Variants in CELF2 observed in about 807,000 individuals in gnomAD.
The protein encoded by CELF2 is CUGBP Elav-like family member 2.
Under a neutral mutation model 62.6 loss-of-function variants are expected in CELF2, and 8 were observed. The ratio of observed to expected loss-of-function variants is 0.13; its 90% CI spans 0.07 to 0.23. The LOEUF (loss-of-function observed/expected upper bound fraction) is 0.23. Ranked by LOEUF, CELF2 falls within the 10% of genes least tolerant of loss-of-function variation. The probability of loss-of-function intolerance (pLI) is 1.00; values close to 1 mark genes in which losing one functional copy is unlikely to be tolerated. For missense variants in CELF2, 333 were observed against 671.0 expected (o/e 0.50, Z 5.56); for synonymous variants, 258 against 250.0 (o/e 1.03, Z -0.30).
the CELF2 span, among the ~76,000 whole-genome samples, chr10:10,601,104 C>T: frequency 2.0e-5 from 3 of 152,230 alleles, no homozygotes; most frequent in Admixed American, 6.5e-5. Flanking sequence ...TTAAAGAGAT[C>T]TGTCGGCTCC....
the CELF2 span, among the ~76,000 whole-genome samples, chr10:10,730,617 G>A: frequency 6.6e-6 from 1 of 152,232 alleles, no homozygotes; most frequent in Non-Finnish European, 1.5e-5. Context: ...ATGAAAGAAG[G>A]AAAGCTAAAA....
chr10:11,093,810 T>C (rs1490523593), intron 1 of CELF2, among the ~76,000 whole-genome samples: 1 of 152,224 alleles, frequency 6.6e-6, no homozygotes, highest in Non-Finnish European at 1.5e-5. Flanking sequence ...GTTTTACAGT[T>C]AGAACTCCAG....
chr10:11,036,472 T>C (rs2060969106), intron 1 of CELF2, among the ~76,000 whole-genome samples: 1 of 152,354 alleles, frequency 6.6e-6, no homozygotes, highest in East Asian at 1.9e-4. Flanking sequence ...TCAGTCTCAA[T>C]ATTTACCTTT....
intron 1 of CELF2, among the ~76,000 whole-genome samples, chr10:11,140,975 C>A (rs114171283): frequency 0.012 from 1,782 of 152,310 alleles, 30 homozygotes; most frequent in African/African-American, 0.041. Context: ...GTGATCACAC[C>A]ACTGCCCTCC....
chr10:11,048,318 C>G (rs1038338620), intron 1 of CELF2, among the ~76,000 whole-genome samples: 3 of 152,206 alleles, frequency 2.0e-5, no homozygotes, highest in African/African-American at 7.2e-5. Context: ...GCTCTTGCCT[C>G]TGCTTTAAAA....
rs143624529 is a variant in CELF2 at position 11,098,672 on chromosome 10, T to C, written c.75-66814T>C. Among the ~76,000 whole-genome samples, 1 of 152,350 alleles carries C rather than the reference T, an allele frequency of 6.6e-6. No individual in the cohort carries two copies. Among genetic ancestry groups the C allele is most frequent in the African/African-American group, 2.4e-5 (1 of 41,576 alleles). On this transcript the variant is annotated intron_variant, in intron 1 of 12. Transcript: ENST00000633077. This position sits in a 1 kb window ranked among gnomAD's most constrained non-coding sequence, Gnocchi z 4.0. ...AAGTATAAATGTGTCATGAGCACAC[T>C]GTTTTCTCTGTAGAAATAACAAAGG...
intron 1 of CELF2, among the ~76,000 whole-genome samples, chr10:10,817,534 T>C (rs890724145): frequency 1.2e-4 from 18 of 152,114 alleles, no homozygotes; most frequent in African/African-American, 4.3e-4. Flanking sequence ...AGTTCAATTG[T>C]TTTGATTTTT....
chr10:10,495,150 G>A, the CELF2 span, among the ~76,000 whole-genome samples: 11 of 152,068 alleles, frequency 7.2e-5, no homozygotes, highest in Non-Finnish European at 1.5e-4. Flanking sequence ...GCATGGTGGC[G>A]GGCGCCTGTA....
At chr10:10,822,905 T>A (rs999618930) in intron 1 of CELF2, among the ~76,000 whole-genome samples, 1 of 152,246 alleles carries the variant, frequency 6.6e-6, no homozygotes, top group Admixed American at 6.5e-5. Context: ...TTCCAAAGAA[T>A]CTACTTATAA....
At chr10:10,567,214 G>T in the CELF2 span, among the ~76,000 whole-genome samples, 1 of 152,240 alleles carries the variant, frequency 6.6e-6, no homozygotes, top group Non-Finnish European at 1.5e-5. Context: ...ACCTGAAGAA[G>T]GAATAGAAAT....
In CELF2 at chr10:11,300,438, A is replaced by G. The variant is rs369034860; in HGVS notation, c.976+11886A>G. 1.3e-5 allele frequency among the ~76,000 whole-genome samples: 2 copies of G among 152,264 alleles called. No homozygotes were observed. Among genetic ancestry groups the G allele is most frequent in the Admixed American group, 1.3e-4 (2 of 15,304 alleles). Reference sequence around the variant, plus strand: ...CTGGCAGCAGAAGAGAGGGGCACCAATGTCTCTGGGGAAGGTACCCTCTTC... The same window carrying G: ...CTGGCAGCAGAAGAGAGGGGCACCAGTGTCTCTGGGGAAGGTACCCTCTTC... On this transcript the variant is annotated intron_variant, in intron 9 of 12. Coordinates refer to ENST00000633077, the MANE Select transcript of CELF2 (RefSeq NM_001326342.2). This position sits in a 1 kb window ranked among gnomAD's most constrained non-coding sequence, Gnocchi z 5.5.
the CELF2 span, among the ~76,000 whole-genome samples, chr10:10,510,944 C>T: frequency 6.6e-6 from 1 of 152,098 alleles, no homozygotes; most frequent in Non-Finnish European, 1.5e-5. Flanking sequence ...AGGCCAGAGG[C>T]ACTAAAGGGA....
At chr10:10,960,770 G>A (rs530997865) in intron 2 of CELF2, among the ~76,000 whole-genome samples, 1 of 152,334 alleles carries the variant, frequency 6.6e-6, no homozygotes, top group Non-Finnish European at 1.5e-5. Flanking sequence ...AGAGTTAGGT[G>A]ATTCTAACAT....
At chr10:10,727,604 G>A in the CELF2 span, among the ~76,000 whole-genome samples, 96 of 151,886 alleles carry the variant, frequency 6.3e-4, no homozygotes, top group South Asian at 6.2e-4. Flanking sequence ...GTGAAACCCC[G>A]TCTCTACCAA....
the CELF2 span, among the ~76,000 whole-genome samples, chr10:10,555,913 T>C: frequency 6.6e-6 from 1 of 152,224 alleles, no homozygotes; most frequent in Non-Finnish European, 1.5e-5. Context: ...AGGATTTAGG[T>C]GACTGTATGC....
At chr10:10,522,784 G>A in the CELF2 span, among the ~76,000 whole-genome samples, 1 of 152,094 alleles carries the variant, frequency 6.6e-6, no homozygotes, top group Admixed American at 6.5e-5. Context: ...TGCTCAGGCT[G>A]GCCTCAAACT....
intron 9 of CELF2, among the ~76,000 whole-genome samples, chr10:11,299,313 C>T (rs56068653): frequency 0.027 from 4,162 of 152,342 alleles, 88 homozygotes; most frequent in Middle Eastern, 0.075. Flanking sequence ...GTCCACGCGG[C>T]GCCCCAGCGA....
the CELF2 span, among the ~76,000 whole-genome samples, chr10:10,694,827 A>G: frequency 6.6e-6 from 1 of 151,636 alleles, no homozygotes; most frequent in African/African-American, 2.4e-5. Flanking sequence ...AGAGATGAGG[A>G]TTGCAACCCC....
Position 11,109,709 on chromosome 10 carries a change from A to G in CELF2, c.75-55777A>G, listed in dbSNP as rs376345232. ...TACCCCTCACAATCTATTCCTGCCT[A>G]TGAAAGTTTTGTGAGTTTCTCCTTA... is the stretch of plus-strand genomic sequence containing the variant. On this transcript the variant is annotated intron_variant, in intron 1 of 12. Coordinates refer to ENST00000633077, the MANE Select transcript of CELF2 (RefSeq NM_001326342.2). Among the ~76,000 whole-genome samples, 27 of 152,124 alleles carry G rather than the reference A, an allele frequency of 1.8e-4. 1 individual carries two copies. The East Asian group carries it at 4.6e-3, about 26-fold the overall frequency.
Sources: gnomAD v4.1 joint callset for allele counts (sites outside exome capture counted in the v4.1 genomes callset) on GRCh38, gnomAD v4.1.1 for gene constraint, Gnocchi (gnomAD v3.1) non-coding constraint, MANE v1.5 for transcripts, NCBI Gene and HGNC (gene_info 2026-07-23, HGNC 2026-07-21) for gene names.